Variants in SGMS1 observed in about 807,000 individuals in gnomAD.
SGMS1 encodes the protein phosphatidylcholine:ceramide cholinephosphotransferase 1.
A neutral mutation model predicts 46.2 loss-of-function variants in SGMS1; 13 were observed. The ratio of observed to expected loss-of-function variants is 0.28; its 90% CI spans 0.18 to 0.45. The LOEUF (loss-of-function observed/expected upper bound fraction) is 0.45. Ranked by LOEUF, SGMS1 falls within the 20% of genes least tolerant of loss-of-function variation. The pLI, the probability that SGMS1 is intolerant of heterozygous loss-of-function variation, is 1.00. For synonymous variants in SGMS1, 203 were observed against 187.8 expected (o/e 1.08, Z -0.66); for missense variants, 324 against 519.9 (o/e 0.62, Z 3.66).
At chr10:50,560,995 A>G (rs1838231823) in intron 2 of SGMS1, among the ~76,000 whole-genome samples, 1 of 152,206 alleles carries the variant, frequency 6.6e-6, no homozygotes, top group Non-Finnish European at 1.5e-5. Flanking sequence ...ATTATCTCTG[A>G]GCACTGAGAC....
chr10:50,573,551 A>T (rs1838353871), intron 2 of SGMS1, among the ~76,000 whole-genome samples: 1 of 152,220 alleles, frequency 6.6e-6, no homozygotes, highest in South Asian at 2.1e-4. Context: ...GTATTCATGG[A>T]TAGGAAGAAT....
chr10:50,536,340 C>G (rs1427656708), intron 2 of SGMS1, among the ~76,000 whole-genome samples: 1 of 151,798 alleles, frequency 6.6e-6, no homozygotes, highest in East Asian at 1.9e-4. Context: ...AACAAAGAAA[C>G]AAACAAACAA....
chr10:50,563,585 T>C (rs1251080856), intron 2 of SGMS1, among the ~76,000 whole-genome samples: 1 of 149,552 alleles, frequency 6.7e-6, no homozygotes, highest in Non-Finnish European at 1.5e-5. Flanking sequence ...CTACTAAAAA[T>C]ACAAAAAATT....
intron 3 of SGMS1, among the ~76,000 whole-genome samples, chr10:50,500,002 A>G (rs1837648544): frequency 6.6e-6 from 1 of 152,174 alleles, no homozygotes; most frequent in Non-Finnish European, 1.5e-5. Flanking sequence ...TCCCGTCTCT[A>G]CTGAAAAATA....
intron 2 of SGMS1, among the ~76,000 whole-genome samples, chr10:50,580,869 G>A (rs964993953): frequency 6.6e-6 from 1 of 152,122 alleles, no homozygotes; most frequent in Non-Finnish European, 1.5e-5. Flanking sequence ...TGCTTAACAC[G>A]AGTCAACCAT....
At chr10:50,404,090 C>T (rs180888087) in intron 6 of SGMS1, among the ~76,000 whole-genome samples, 209 of 151,554 alleles carry the variant, frequency 1.4e-3, no homozygotes, top group African/African-American at 4.5e-3. Flanking sequence ...GACAAGAAGA[C>T]ACAAGGGCAA....
At chr10:50,439,772 T>A (rs1160262450) in intron 5 of SGMS1, among the ~76,000 whole-genome samples, 2 of 152,210 alleles carry the variant, frequency 1.3e-5, no homozygotes, top group African/African-American at 2.4e-5. Flanking sequence ...ATAGGCTGTC[T>A]TTTCTTCTGA....
intron 6 of SGMS1, among the ~76,000 whole-genome samples, chr10:50,377,457 G>C (rs1369616211): frequency 2.0e-5 from 3 of 152,158 alleles, no homozygotes; most frequent in Non-Finnish European, 2.9e-5. Context: ...AAGAATTTTG[G>C]AGGGGACAAA....
At chr10:50,555,191 C>G (rs1301177171) in intron 2 of SGMS1, among the ~76,000 whole-genome samples, 2 of 152,166 alleles carry the variant, frequency 1.3e-5, no homozygotes, top group African/African-American at 4.8e-5. Flanking sequence ...TATCTTGGAA[C>G]AAAGTAATGA....
chr10:50,426,514 CT>C (rs1450808529), intron 6 of SGMS1, among the ~76,000 whole-genome samples: 3 of 152,244 alleles, frequency 2.0e-5, no homozygotes, highest in Non-Finnish European at 2.9e-5. Flanking sequence ...AACATGGCAG[CT>C]CTCTGAGTTC....
At chr10:50,502,919 G>A (rs1218254280) in intron 3 of SGMS1, among the ~76,000 whole-genome samples, 1 of 152,050 alleles carries the variant, frequency 6.6e-6, no homozygotes, top group African/African-American at 2.4e-5. Context: ...GATGCAAACA[G>A]AAAGAAAGAT....
At chr10:50,347,433 C>T (rs144095914) in intron 6 of SGMS1, among the ~76,000 whole-genome samples, 26 of 152,216 alleles carry the variant, frequency 1.7e-4, no homozygotes, top group East Asian at 5.8e-4. Context: ...TAAAAACCAC[C>T]GTAAAGAATT....
At chr10:50,483,203 C>CT (rs1325789485) in intron 3 of SGMS1, among the ~76,000 whole-genome samples, 3 of 152,178 alleles carry the variant, frequency 2.0e-5, no homozygotes, top group Non-Finnish European at 4.4e-5. Context: ...CCTCAGCCTC[C>CT]TGAGTGGCTG....
intron 6 of SGMS1, among the ~76,000 whole-genome samples, chr10:50,408,457 A>AT (rs1849051779): frequency 2.1e-5 from 3 of 143,074 alleles, no homozygotes; most frequent in South Asian, 4.3e-4. Context: ...AAAAAAAAAC[A>AT]AAATAAAAAC....
intron 2 of SGMS1, among the ~76,000 whole-genome samples, chr10:50,562,200 G>C (rs1439259323): frequency 6.6e-6 from 1 of 152,062 alleles, no homozygotes; most frequent in Non-Finnish European, 1.5e-5. Flanking sequence ...CTCTAGATCA[G>C]AGATTCTAGG....
chr10:50,335,851 A>C (rs1847707235), intron 7 of SGMS1: 1 of 152,226 alleles, frequency 6.6e-6, no homozygotes, highest in South Asian at 2.1e-4. Flanking sequence ...TGGTGAGATG[A>C]TAATTTGGTT....
chr10:50,370,339 A>G (rs1392827032), intron 6 of SGMS1, among the ~76,000 whole-genome samples: 1 of 152,012 alleles, frequency 6.6e-6, no homozygotes, highest in Non-Finnish European at 1.5e-5. Context: ...TAAAACACAA[A>G]CGCATTATAC....
intron 1 of SGMS1, among the ~76,000 whole-genome samples, chr10:50,595,746 A>G (rs10826234): frequency 0.46 from 70,421 of 151,974 alleles, 16,713 homozygotes; most frequent in East Asian, 0.75. Context: ...AACAGTCCCC[A>G]TGAAGGAAAC....
chr10:50,609,333 T>C (rs1006885428), intron 1 of SGMS1, among the ~76,000 whole-genome samples: 1 of 152,170 alleles, frequency 6.6e-6, no homozygotes, highest in South Asian at 2.1e-4. Context: ...ATCTATGTGA[T>C]TGAATCTGTG....
Sources: gnomAD v4.1 joint callset for allele counts (sites outside exome capture counted in the v4.1 genomes callset) on GRCh38, gnomAD v4.1.1 for gene constraint, MANE v1.5 for transcripts, NCBI Gene and HGNC (gene_info 2026-07-23, HGNC 2026-07-21) for gene names.